The following MRTFA variants were observed in gnomAD, a reference collection of about 807,000 sequenced individuals.
MRTFA encodes myocardin-related transcription factor A.
A neutral mutation model predicts 83.5 loss-of-function variants in MRTFA; 20 were observed. The observed-to-expected ratio is 0.24, with a 90% confidence interval of 0.17 to 0.35. The LOEUF is 0.35. Ranked by LOEUF, MRTFA falls within the 10% of genes least tolerant of loss-of-function variation. The pLI is 1.00. For synonymous variants in MRTFA, 659 were observed against 541.2 expected, an observed-to-expected ratio of 1.22 and a Z score of -3.02; for missense variants, 1,200 against 1,224.7, an observed-to-expected ratio of 0.98 and a Z score of 0.30.
intron 3 of MRTFA, among the ~76,000 whole-genome samples, chr22:40,507,931 C>G (rs1368761632): frequency 7.1e-6 from 1 of 141,312 alleles, no homozygotes; most frequent in East Asian, 2.2e-4. Context: ...CCACTGCACT[C>G]CAGCCTGGGA....
intron 3 of MRTFA, among the ~76,000 whole-genome samples, chr22:40,527,935 T>G (rs1398444438): frequency 6.6e-6 from 1 of 151,928 alleles, no homozygotes; most frequent in South Asian, 2.1e-4. Context: ...AAAAAAAAGA[T>G]GCAGACTGAC....
intron 14 of MRTFA, among the ~76,000 whole-genome samples, chr22:40,413,303 A>G (rs549963346): frequency 3.3e-5 from 5 of 151,966 alleles, no homozygotes; most frequent in Admixed American, 3.3e-4. Flanking sequence ...TCAAAAAACA[A>G]CAACAAAAAA....
intron 3 of MRTFA, among the ~76,000 whole-genome samples, chr22:40,502,141 G>T (rs2147225286): frequency 1.4e-5 from 2 of 144,540 alleles, no homozygotes; most frequent in South Asian, 4.3e-4. Flanking sequence ...GGACGGGGCG[G>T]CTGGCCGGGC....
intron 4 of MRTFA, 52 bp from the exon 5 acceptor site, chr22:40,435,606 G>C: frequency 6.3e-7 from 1 of 1,588,304 alleles, no homozygotes; most frequent in Non-Finnish European, 8.6e-7. Flanking sequence ...ATCATGTCTA[G>C]TGCTACGATA....
intron 3 of MRTFA, among the ~76,000 whole-genome samples, chr22:40,473,293 G>C (rs1367583494): frequency 6.6e-6 from 1 of 152,044 alleles, no homozygotes; most frequent in Non-Finnish European, 1.5e-5. Flanking sequence ...CTGAGTAGCT[G>C]GGATTATAGA....
intron 1 of MRTFA, 73 bp downstream of exon 1, chr22:40,636,405 G>C (rs899111530): frequency 6.6e-6 from 1 of 152,304 alleles, no homozygotes; most frequent in African/African-American, 2.4e-5. Flanking sequence ...GCAGGGTCGG[G>C]GGGGAAAAAG....
chr22:40,554,076 G>T (rs1198445564), intron 2 of MRTFA, among the ~76,000 whole-genome samples: 1 of 152,152 alleles, frequency 6.6e-6, no homozygotes, highest in African/African-American at 2.4e-5. Flanking sequence ...TTTGGAATGG[G>T]TGTATTTACC....
intron 4 of MRTFA, among the ~76,000 whole-genome samples, chr22:40,449,542 T>G (rs1434817154): frequency 2.6e-5 from 4 of 152,192 alleles, no homozygotes; most frequent in Non-Finnish European, 4.4e-5. Flanking sequence ...GAATAATCTT[T>G]AGTAAGCTCT....
Position 40,506,777 on chromosome 22 carries a change from T to C in MRTFA, c.242-43491A>G, listed in dbSNP as rs1370438177. ...TAATGACCCCCATTTATCACCATTT[T>C]CACTGTTTAAGGAGAGTTTAAAAAT... On this transcript the variant is annotated intron_variant, in intron 3 of 14. Transcript: ENST00000355630. 2.0e-5 allele frequency among the ~76,000 whole-genome samples: 3 copies of C among 152,226 alleles called. No individual in the cohort carries two copies. The East Asian group carries it at 5.8e-4, about 29-fold the overall frequency.
At chr22:40,622,775 A>G (rs1556029501) in intron 1 of MRTFA, among the ~76,000 whole-genome samples, 2 of 152,228 alleles carry the variant, frequency 1.3e-5, no homozygotes, top group Non-Finnish European at 2.9e-5. Flanking sequence ...TATGACCTCC[A>G]GAACTATAAG....
chr22:40,611,750 C>A (rs1448263036), intron 1 of MRTFA, among the ~76,000 whole-genome samples: 1 of 152,056 alleles, frequency 6.6e-6, no homozygotes, highest in Non-Finnish European at 1.5e-5. Flanking sequence ...TGCTTGATGA[C>A]CTATAAAAGT....
intron 2 of MRTFA, among the ~76,000 whole-genome samples, chr22:40,584,729 TCA>T (rs2056002375): frequency 1.2e-5 from 1 of 82,886 alleles, no homozygotes. Context: ...AGACTCTGTC[TCA>T]AAAAAAAAAA....
intron 1 of MRTFA, among the ~76,000 whole-genome samples, chr22:40,625,463 A>AAATG (rs1471188005): frequency 2.0e-5 from 3 of 148,850 alleles, no homozygotes; most frequent in African/African-American, 4.9e-5. Context: ...ATAAATAAAT[A>AAATG]AATAAATAAA....
At chr22:40,435,936 C>CCA (rs1418615951) in intron 4 of MRTFA, among the ~76,000 whole-genome samples, 2 of 106,764 alleles carry the variant, frequency 1.9e-5, no homozygotes, top group African/African-American at 6.8e-5. Flanking sequence ...AACCGTCCCC[C>CCA]AAAAAAAAAA....
intron 1 of MRTFA, among the ~76,000 whole-genome samples, chr22:40,615,483 G>T (rs2056437851): frequency 6.6e-6 from 1 of 152,108 alleles, no homozygotes; most frequent in South Asian, 2.1e-4. Flanking sequence ...TTTAGATTCA[G>T]AAAGTCAATT....
intron 1 of MRTFA, among the ~76,000 whole-genome samples, chr22:40,625,040 A>G (rs754770225): frequency 7.2e-5 from 11 of 152,154 alleles, no homozygotes; most frequent in Non-Finnish European, 1.5e-4. Context: ...GGGTAAAAGA[A>G]ATCTTTAAAT....
Position 40,418,912 on chromosome 22 carries a change from C to T in MRTFA, c.1826G>A (p.Cys609Tyr), listed in dbSNP as rs564479912. 22 of 1,612,846 alleles carry T rather than the reference C, an allele frequency of 1.4e-5. No homozygotes were observed. Among genetic ancestry groups the T allele is most frequent in the South Asian group, 2.2e-5 (2 of 91,084 alleles). ...CTCCGCCCGCCCCCCAGGGCTCAGGCAACAGGACCCGGCCCGGGGGCCCTC... is the reference window on the plus strand; with the variant it reads ...CTCCGCCCGCCCCCCAGGGCTCAGGTAACAGGACCCGGCCCGGGGGCCCTC... Residue 609 changes from cysteine to tyrosine, a missense_variant, in exon 12 of 15, where the codon TGC (cysteine) becomes TAC (tyrosine). This residue lies in a region of MRTFA where 1,107 missense variants were observed against 1,041.8 expected (regional missense o/e 1.06). Coordinates refer to ENST00000355630, the MANE Select transcript of MRTFA (RefSeq NM_020831.6).
chr22:40,464,972 C>A (rs2053789167), intron 3 of MRTFA, among the ~76,000 whole-genome samples: 1 of 152,126 alleles, frequency 6.6e-6, no homozygotes, highest in African/African-American at 2.4e-5. Flanking sequence ...TGTGTCCTTG[C>A]CTGTAGTGTC....
chr22:40,499,323 T>C (rs1441139828), intron 3 of MRTFA, among the ~76,000 whole-genome samples: 2 of 152,192 alleles, frequency 1.3e-5, no homozygotes, highest in African/African-American at 4.8e-5. Context: ...CTCTGACTAA[T>C]ACTGAGTCAT....
Sources: gnomAD v4.1 joint callset for allele counts (sites outside exome capture counted in the v4.1 genomes callset) on GRCh38, gnomAD v4.1.1 for gene constraint, gnomAD v4.1.1 regional missense constraint, MANE v1.5 for transcripts, NCBI Gene and HGNC (gene_info 2026-07-23, HGNC 2026-07-21) for gene names.